TMEM132D: variants seen among roughly 807,000 people sequenced by gnomAD.
TMEM132D encodes transmembrane protein 132D, also known as mature OL transmembrane protein.
A neutral mutation model predicts 62.3 loss-of-function variants in TMEM132D; 21 were observed. The ratio of observed to expected loss-of-function variants is 0.34; its 90% CI spans 0.24 to 0.49. The LOEUF (loss-of-function observed/expected upper bound fraction) is 0.49. Ranked by LOEUF, TMEM132D falls within the 20% of genes least tolerant of loss-of-function variation. The pLI, the probability that TMEM132D is intolerant of heterozygous loss-of-function variation, is 0.99. For synonymous variants in TMEM132D, 621 were observed against 575.6 expected (o/e 1.08, Z -1.13); for missense variants, 1,346 against 1,402.8 (o/e 0.96, Z 0.65).
intron 5 of TMEM132D, among the ~76,000 whole-genome samples, chr12:129,112,215 C>G (rs1336004713): frequency 6.6e-6 from 1 of 152,172 alleles, no homozygotes; most frequent in African/African-American, 2.4e-5. Flanking sequence ...ATTAGTGAGG[C>G]CTGCCTGGAT....
At chr12:129,714,022 G>A (rs757677137) in intron 1 of TMEM132D, among the ~76,000 whole-genome samples, 1 of 152,196 alleles carries the variant, frequency 6.6e-6, no homozygotes, top group South Asian at 2.1e-4. Flanking sequence ...AAGTCCACGG[G>A]AGGAAGCACC....
At chr12:129,878,452 C>A (rs1450573038) in intron 1 of TMEM132D, among the ~76,000 whole-genome samples, 1 of 152,118 alleles carries the variant, frequency 6.6e-6, no homozygotes, top group Non-Finnish European at 1.5e-5. Context: ...GGCTCCATGT[C>A]GCTGGTTTTA....
chr12:129,400,110 G>A (rs889664239), intron 3 of TMEM132D, among the ~76,000 whole-genome samples: 1 of 151,928 alleles, frequency 6.6e-6, no homozygotes, highest in African/African-American at 2.4e-5. Context: ...CCAAGAATAG[G>A]TTCCAAGGAA....
chr12:129,262,884 C>G (rs1880587687), intron 4 of TMEM132D: 1 of 152,264 alleles, frequency 6.6e-6, no homozygotes, highest in Admixed American at 6.5e-5. Flanking sequence ...AACACTCCTA[C>G]CCTCCCCTAC....
chr12:129,479,714 A>G (rs1400122172), intron 3 of TMEM132D, among the ~76,000 whole-genome samples: 1 of 152,210 alleles, frequency 6.6e-6, no homozygotes, highest in Non-Finnish European at 1.5e-5. Context: ...AGTTTAAGGG[A>G]GGAGTGAAGA....
chr12:129,170,373 T>C (rs764842238), intron 5 of TMEM132D: 7 of 152,336 alleles, frequency 4.6e-5, no homozygotes, highest in Non-Finnish European at 7.3e-5. Flanking sequence ...ATTGTGGATT[T>C]GGCTCCACTG....
chr12:129,478,133 A>G (rs1374531577), intron 3 of TMEM132D, among the ~76,000 whole-genome samples: 1 of 152,194 alleles, frequency 6.6e-6, no homozygotes, highest in African/African-American at 2.4e-5. Flanking sequence ...TTACAGTAAA[A>G]ATATGGTATA....
At chr12:129,617,127 A>G (rs1462387300) in intron 2 of TMEM132D, among the ~76,000 whole-genome samples, 2 of 152,246 alleles carry the variant, frequency 1.3e-5, no homozygotes, top group South Asian at 2.1e-4. Context: ...ATGCACTCAC[A>G]AAGAATTTTC....
chr12:129,771,908 T>C (rs889074185), intron 1 of TMEM132D, among the ~76,000 whole-genome samples: 5 of 152,242 alleles, frequency 3.3e-5, no homozygotes, highest in Non-Finnish European at 5.9e-5. Context: ...TCAGTACTAT[T>C]ATGCTTATTA....
intron 2 of TMEM132D, among the ~76,000 whole-genome samples, chr12:129,604,252 T>G (rs1878557831): frequency 6.6e-6 from 1 of 152,190 alleles, no homozygotes. Context: ...GGTTGATAGG[T>G]GCAGCAACCC....
At chr12:129,495,886 T>C (rs1239934512) in intron 3 of TMEM132D, among the ~76,000 whole-genome samples, 1 of 152,166 alleles carries the variant, frequency 6.6e-6, no homozygotes. Context: ...CCACAGCCTC[T>C]CCATAAATGT....
intron 1 of TMEM132D, among the ~76,000 whole-genome samples, chr12:129,715,402 G>A (rs978644556): frequency 2.6e-5 from 4 of 152,202 alleles, no homozygotes; most frequent in Non-Finnish European, 5.9e-5. Context: ...TCAGAGGAGA[G>A]TTTATTTACC....
chr12:129,216,659 TA>T (rs1879211783), intron 4 of TMEM132D, among the ~76,000 whole-genome samples: 2 of 152,176 alleles, frequency 1.3e-5, no homozygotes, highest in Admixed American at 1.3e-4. Flanking sequence ...GTGTCTCTTG[TA>T]TTTAGCCATC....
intron 4 of TMEM132D, among the ~76,000 whole-genome samples, chr12:129,264,712 A>G (rs1284138608): frequency 6.6e-6 from 1 of 152,252 alleles, no homozygotes; most frequent in Non-Finnish European, 1.5e-5. Context: ...TGTGGTATAT[A>G]TATGATGGAA....
intron 2 of TMEM132D, among the ~76,000 whole-genome samples, chr12:129,655,081 G>A (rs1020777594): frequency 6.6e-6 from 1 of 151,750 alleles, no homozygotes; most frequent in Non-Finnish European, 1.5e-5. Context: ...CACAGTAGAT[G>A]GGACTACAGG....
Position 129,374,374 on chromosome 12 carries a change from C to T in TMEM132D, c.1116-36557G>A, listed in dbSNP as rs923654778. ...CATGACTTCATTTAACCTTAATTAC[C>T]TTAAAACAGCTCTATATTCAAATAC... On this transcript the variant is annotated intron_variant, in intron 3 of 8. Coordinates refer to ENST00000422113, the MANE Select transcript of TMEM132D (RefSeq NM_133448.3). Among the ~76,000 whole-genome samples the T allele has an allele frequency of 2.6e-5, 4 of 151,902 alleles. No individual in the cohort carries two copies. The East Asian group carries it at 7.8e-4, about 30-fold the overall frequency.
At chr12:129,799,386 GTATATATACATATTATATA>G (rs746526649) in intron 1 of TMEM132D, among the ~76,000 whole-genome samples, 149,732 of 150,996 alleles carry the variant, frequency 0.99, 74,249 homozygotes, top group South Asian at 1. Context: ...ATATATATGT[GTATATATACATATTATATA>G]TGTATATATA....
intron 1 of TMEM132D, among the ~76,000 whole-genome samples, chr12:129,885,401 C>G (rs111573572): frequency 6.2e-4 from 95 of 152,346 alleles, no homozygotes; most frequent in African/African-American, 2.2e-3. Flanking sequence ...GAAGGACCTG[C>G]TCCAGGGTTC....
chr12:129,410,280 G>A (rs959148108), intron 3 of TMEM132D, among the ~76,000 whole-genome samples: 1 of 152,206 alleles, frequency 6.6e-6, no homozygotes, highest in African/African-American at 2.4e-5. Context: ...CAACATTAGT[G>A]TATTCGTCCA....
Sources: allele counts gnomAD v4.1 joint callset (sites outside exome capture counted in the v4.1 genomes callset), GRCh38; gene constraint gnomAD v4.1.1; transcripts MANE v1.5; gene names NCBI Gene and HGNC (gene_info 2026-07-23, HGNC 2026-07-21).